Variants in KCNK4 observed in about 807,000 individuals in gnomAD.
KCNK4 encodes potassium two pore domain channel subfamily K member 4, also known as potassium channel subfamily K member 4.
KCNK4 carries 22 observed loss-of-function variants against 28.8 expected under a neutral mutation model. That is an observed-to-expected ratio of 0.76 (90% CI 0.55 to 1.09). KCNK4 has a LOEUF of 1.09. KCNK4 is among the 50% of genes least tolerant of loss of function. The probability of loss-of-function intolerance (pLI) is 0.00; values close to 1 mark genes in which losing one functional copy is unlikely to be tolerated. For synonymous variants in KCNK4, 263 were observed against 252.9 expected, an observed-to-expected ratio of 1.04 and a Z score of -0.38; for missense variants, 483 against 546.3, an observed-to-expected ratio of 0.88 and a Z score of 1.15.
At chr11:64,299,320 G>C in intron 6 of KCNK4, 26 bp from the exon 7 acceptor site, 2 of 1,500,730 alleles carry the variant, frequency 1.3e-6, no homozygotes, top group East Asian at 2.5e-5. Context: ...ACCTCTAGTC[G>C]AGGGCTGCTT....
rs369372525 is a variant in KCNK4 at position 64,297,205 on chromosome 11, C to A, written c.400C>A (p.Leu134Ile). 1.1e-5 allele frequency: 17 copies of A among 1,614,010 alleles called. No homozygotes were observed. Among genetic ancestry groups the A allele is most frequent in the Non-Finnish European group, 1.4e-5 (16 of 1,180,014 alleles). ...GGTGGGGATTCCGCTGTTTGGGATC[C>A]TACTGGCAGGGGTCGGGGACCGGCT... Reference protein sequence around the residue: ...ALVGIPLFGILLAGVGDRLGS... With the variant: ...ALVGIPLFGIILAGVGDRLGS... Residue 134 changes from leucine (L) to isoleucine (I), a missense_variant, in exon 4 of 7, where the codon CTA (leucine) becomes ATA (isoleucine). Coordinates refer to ENST00000422670, the MANE Select transcript of KCNK4 (RefSeq NM_033310.3).
chr11:64,297,738 C>T lies in KCNK4; in HGVS notation c.661+85C>T, dbSNP rs1688820335. On this transcript the variant is annotated intron_variant, in intron 5 of 6. Coordinates refer to ENST00000422670, the MANE Select transcript of KCNK4 (RefSeq NM_033310.3). ...TGCACTCCTGCCTTTCCCTCCAGAT[C>T]CCATGTGGTTGCTCTAACCCCTGCA... is the stretch of plus-strand genomic sequence containing the variant. 4.2e-6 allele frequency: 6 copies of T among 1,417,144 alleles called. No homozygotes were observed. The Admixed American group carries it at 8.3e-5, about 20-fold the overall frequency. The allele number at this position is 1,417,144 out of a possible 1,614,324, so 87.8% of individuals were successfully genotyped here. A position where few individuals can be genotyped will look rare whatever the true frequency, so the allele number is the denominator to read the frequency against.
rs757444887 is a variant in KCNK4, at chr11:64,297,244, C to T, written c.439C>T (p.Arg147Cys). ...GVGDRLGSSL[R>C]HGIGHIEAIF... ...CGGGGACCGGCTGGGCTCCTCCCTG[C>T]GCCATGGCATCGGTCACATTGAAGC... Residue 147 changes from arginine to cysteine, a missense_variant, in exon 4 of 7, where the codon CGC becomes TGC. By Grantham distance (180) the Arg-to-Cys change is radical. Transcript: ENST00000422670. 1.4e-5 allele frequency: 22 copies of T among 1,613,586 alleles called. No homozygotes were observed. Among genetic ancestry groups the T allele is most frequent in the African/African-American group, 1.1e-4 (8 of 74,888 alleles).
intron 1 of KCNK4, among the ~76,000 whole-genome samples, chr11:64,292,380 GT>G (rs780450639): frequency 5.9e-4 from 90 of 152,156 alleles, no homozygotes; most frequent in Admixed American, 9.2e-4. Context: ...CCGCCCCTGG[GT>G]TCCTCGAAAG....
chr11:64,292,754 A>AG, intron 1 of KCNK4, 188 bp from the exon 2 acceptor site: 2 of 476,234 alleles, frequency 4.2e-6, no homozygotes, highest in East Asian at 8.4e-5. Flanking sequence ...ACAGGGGCTG[A>AG]GGGCCGGGCA....
chr11:64,292,746 A>T (rs2034664181), intron 1 of KCNK4, 196 bp from the exon 2 acceptor site: 3 of 426,236 alleles, frequency 7.0e-6, no homozygotes, highest in Non-Finnish European at 1.1e-5. Context: ...AGTCCCAGAC[A>T]GGGGCTGAGG....
chr11:64,294,329 C>G (rs1472546217), intron 2 of KCNK4, among the ~76,000 whole-genome samples: 2 of 151,908 alleles, frequency 1.3e-5, no homozygotes, highest in African/African-American at 2.4e-5. Flanking sequence ...ACCAGCCTGG[C>G]CAATGTGGCA....
intron 2 of KCNK4, among the ~76,000 whole-genome samples, chr11:64,293,438 G>A (rs1390014458): frequency 2.6e-5 from 4 of 151,022 alleles, no homozygotes; most frequent in Non-Finnish European, 5.9e-5. Flanking sequence ...CACCTATAAT[G>A]TCTCCTTCAG....
At chr11:64,292,225 C>G (rs2034647973) in intron 1 of KCNK4, 1 of 427,808 alleles carries the variant, frequency 2.3e-6, no homozygotes, top group African/African-American at 2.2e-5. Context: ...CGTGTGTGCG[C>G]GTGGGCGCCG....
chr11:64,297,101 C>T lies in KCNK4; in HGVS notation c.314-18C>T, dbSNP rs1393486978. On this transcript the variant is annotated intron_variant, in intron 3 of 6. Coordinates refer to ENST00000422670, the MANE Select transcript of KCNK4 (RefSeq NM_033310.3). ...TCCCAGGTGGCCCCTAGACTTCCTG[C>T]ATCGCCCCTCTGCCCAGGCTATGGC... The T allele has an allele frequency of 6.2e-7, 1 of 1,613,878 alleles. No homozygotes were observed. Among genetic ancestry groups the T allele is most frequent in the Non-Finnish European group, 8.5e-7 (1 of 1,179,928 alleles).
chr11:64,293,457 G>T (rs2034690700), intron 2 of KCNK4, among the ~76,000 whole-genome samples: 1 of 132,192 alleles, frequency 7.6e-6, no homozygotes, highest in Admixed American at 8.6e-5. Flanking sequence ...AGGGTGTGAT[G>T]GTGGTGGGAT....
At chr11:64,297,051 G>A (rs893767637) in intron 3 of KCNK4, 50 bp downstream of exon 3, 1 of 1,597,508 alleles carries the variant, frequency 6.3e-7, no homozygotes, top group African/African-American at 1.3e-5. Flanking sequence ...TTCCTCATGG[G>A]GGAAGGTGCA....
chr11:64,299,206 C>A, intron 6 of KCNK4, 140 bp from the exon 7 acceptor site: 2 of 782,452 alleles, frequency 2.6e-6, no homozygotes, highest in Non-Finnish European at 3.8e-6. Context: ...GCCCTTCCAT[C>A]CTTGGGGCTG....
rs2135236693 is a variant in KCNK4 at position 64,299,518 on chromosome 11, A to G, written c.974A>G (p.Lys325Arg). Residue 325 changes from lysine (K) to arginine (R), a missense_variant, in exon 7 of 7, where the codon AAG becomes AGG. Physicochemically the swap from Lys to Arg is conservative, Grantham distance 26. Transcript: ENST00000422670. ...GRPRSPSPPE[K>R]AQPPSPPTAS... ...CCCCGATCCCCTTCGCCCCCCGAGA[A>G]GGCTCAGCCGCCTTCCCCGCCCACG... 8 of 1,608,936 alleles carry G rather than the reference A, an allele frequency of 5.0e-6. No individual in the cohort carries two copies. Among genetic ancestry groups the G allele is most frequent in the Non-Finnish European group, 6.8e-6 (8 of 1,178,582 alleles).
chr11:64,291,720 C>A (rs560834047), intron 1 of KCNK4, 154 bp downstream of exon 1: 2 of 151,934 alleles, frequency 1.3e-5, no homozygotes, highest in South Asian at 4.1e-4. Context: ...GCCTCCGCGG[C>A]CCAGTCGGCA....
Position 64,297,177 on chromosome 11 carries a change from G to C in KCNK4, c.372G>C (p.Ala124=), listed in dbSNP as rs771505918. 8 of 1,614,148 alleles carry C rather than the reference G, an allele frequency of 5.0e-6. No individual in the cohort carries two copies. In the South Asian group the frequency reaches 8.8e-5, roughly 18 times the overall value. ...GGCGCCTCTTCTGCATCTTTTATGC[G>C]CTGGTGGGGATTCCGCTGTTTGGGA... ...DAGRLFCIFY[A]LVGIPLFGIL... is the part of the protein sequence containing the mutation. The change falls in exon 4 of 7, where the codon GCG becomes GCC. Residue 124 remains alanine (A), a synonymous_variant. Coordinates refer to ENST00000422670, the MANE Select transcript of KCNK4 (RefSeq NM_033310.3).
At chr11:64,294,842 G>A (rs552691986) in intron 2 of KCNK4, among the ~76,000 whole-genome samples, 101 of 151,606 alleles carry the variant, frequency 6.7e-4, no homozygotes, top group African/African-American at 2.4e-3. Flanking sequence ...CAGAATGCCA[G>A]TGGAGGCTCA....
At chr11:64,292,206 G>A (rs1286094446) in intron 1 of KCNK4, 3 of 598,682 alleles carry the variant, frequency 5.0e-6, no homozygotes, top group East Asian at 2.8e-4. Flanking sequence ...TTGGCGGCGC[G>A]TGCCGGGGCG....
chr11:64,293,169 C>A lies in KCNK4; in HGVS notation c.151C>A (p.Pro51Thr). 1 of 1,515,116 alleles carries A rather than the reference C, an allele frequency of 6.6e-7. No individual in the cohort carries two copies. The highest frequency in any genetic ancestry group is 8.9e-7 in the Non-Finnish European group (1 of 1,127,620). The allele number at this position is 1,515,116 out of a possible 1,614,324, so 93.9% of individuals were successfully genotyped here. ...EVREKFLRAH[P>T]CVSDQELGLL... ...CCGAGAGAAGTTCCTGAGGGCCCATCCGTGTGTGAGCGACCAGGAGCTGGG... is the reference window on the plus strand; with the variant it reads ...CCGAGAGAAGTTCCTGAGGGCCCATACGTGTGTGAGCGACCAGGAGCTGGG... The change falls in exon 2 of 7, where the codon CCG (proline) becomes ACG (threonine). Residue 51 changes from proline to threonine, a missense_variant. Transcript: ENST00000422670.
Sources: gnomAD v4.1 joint callset for allele counts (sites outside exome capture counted in the v4.1 genomes callset) on GRCh38, gnomAD v4.1.1 for gene constraint, MANE v1.5 for transcripts, NCBI Gene and HGNC (gene_info 2026-07-23, HGNC 2026-07-21) for gene names.